The following SCFD2 variants were observed in gnomAD, a reference collection of about 807,000 sequenced individuals.
SCFD2 encodes sec1 family domain containing 2, also known as sec1 family domain-containing protein 2.
SCFD2 carries 54 observed loss-of-function variants against 58.9 expected under a neutral mutation model. That is an observed-to-expected ratio of 0.92 (90% CI 0.74 to 1.15). The LOEUF (loss-of-function observed/expected upper bound fraction) is 1.15. Ranked by LOEUF, SCFD2 falls within the 50% of genes most tolerant of loss-of-function variation. The pLI, the probability that SCFD2 is intolerant of heterozygous loss-of-function variation, is 0.00. For synonymous variants in SCFD2, 321 were observed against 335.9 expected (o/e 0.96, Z 0.49); for missense variants, 805 against 836.6 (o/e 0.96, Z 0.47).
chr4:52,931,315 T>C (rs1471901582), intron 5 of SCFD2, among the ~76,000 whole-genome samples: 1 of 152,202 alleles, frequency 6.6e-6, no homozygotes, highest in Non-Finnish European at 1.5e-5. Context: ...GATCTGGTTG[T>C]TTTCAAAAGC....
At chr4:53,218,916 T>A (rs556376350) in intron 4 of SCFD2, among the ~76,000 whole-genome samples, 2 of 152,326 alleles carry the variant, frequency 1.3e-5, no homozygotes, top group Admixed American at 6.5e-5. Flanking sequence ...CAGACCCTGT[T>A]TGCCTGGGTA....
chr4:53,150,694 A>T, intron 4 of SCFD2, among the ~76,000 whole-genome samples: 1 of 152,208 alleles, frequency 6.6e-6, no homozygotes, highest in East Asian at 1.9e-4. Context: ...ACCTTCTCCA[A>T]GTCTCAATTT....
chr4:53,089,686 A>G (rs2148865298), intron 5 of SCFD2, among the ~76,000 whole-genome samples: 1 of 152,302 alleles, frequency 6.6e-6, no homozygotes, highest in Admixed American at 6.5e-5. Context: ...ACAGGCTAGG[A>G]AAAAATTGCT....
intron 5 of SCFD2, among the ~76,000 whole-genome samples, chr4:52,989,965 C>CA (rs929737843): frequency 6.6e-6 from 1 of 152,224 alleles, no homozygotes; most frequent in Non-Finnish European, 1.5e-5. Flanking sequence ...TCCCATCCTT[C>CA]ATGCCTCCTT....
chr4:53,256,851 C>T (rs576075750), intron 4 of SCFD2, among the ~76,000 whole-genome samples: 25 of 135,278 alleles, frequency 1.8e-4, no homozygotes, highest in South Asian at 1.6e-3. Flanking sequence ...AGAGGGAGAC[C>T]GTGGAAAGAG....
At chr4:53,228,380 T>A (rs376524366) in intron 4 of SCFD2, among the ~76,000 whole-genome samples, 1 of 152,166 alleles carries the variant, frequency 6.6e-6, no homozygotes, top group Admixed American at 6.6e-5. Flanking sequence ...GCAGCTATAG[T>A]CATCCTTCTT....
At chr4:53,053,583 T>TG (rs1424797973) in intron 5 of SCFD2, among the ~76,000 whole-genome samples, 1 of 152,116 alleles carries the variant, frequency 6.6e-6, no homozygotes, top group Non-Finnish European at 1.5e-5. Context: ...GCTCAGCACT[T>TG]GCGCACTGTG....
intron 5 of SCFD2, among the ~76,000 whole-genome samples, chr4:53,036,184 T>C (rs1305737004): frequency 6.6e-6 from 1 of 151,962 alleles, no homozygotes; most frequent in Non-Finnish European, 1.5e-5. Context: ...ACATTAGGTA[T>C]TTCTCCTAAT....
chr4:53,067,856 T>C (rs771513992), intron 5 of SCFD2, among the ~76,000 whole-genome samples: 3 of 152,060 alleles, frequency 2.0e-5, no homozygotes, highest in Non-Finnish European at 4.4e-5. Context: ...TACAGGAATC[T>C]AGCAGGTGAA....
chr4:53,021,460 A>T (rs572408720), intron 5 of SCFD2, among the ~76,000 whole-genome samples: 1 of 152,290 alleles, frequency 6.6e-6, no homozygotes, highest in South Asian at 2.1e-4. Flanking sequence ...AAACTTGCAA[A>T]TCATTTCCTC....
intron 7 of SCFD2, among the ~76,000 whole-genome samples, chr4:52,896,374 A>G (rs548098906): frequency 1.3e-5 from 2 of 152,286 alleles, no homozygotes; most frequent in African/African-American, 4.8e-5. Flanking sequence ...TCAGCTTTCT[A>G]CATATGGCTA....
At chr4:53,257,997 A>G (rs917488950) in intron 4 of SCFD2, among the ~76,000 whole-genome samples, 1 of 152,208 alleles carries the variant, frequency 6.6e-6, no homozygotes, top group African/African-American at 2.4e-5. Flanking sequence ...AATAAGATTT[A>G]GGAAGTAGAA....
intron 3 of SCFD2, among the ~76,000 whole-genome samples, chr4:53,298,328 C>A (rs1013042582): frequency 6.6e-6 from 1 of 152,172 alleles, no homozygotes; most frequent in Non-Finnish European, 1.5e-5. Flanking sequence ...GGTCCTATAC[C>A]CATGGAGCCT....
At chr4:53,234,166 TG>T (rs1229857877) in intron 4 of SCFD2, among the ~76,000 whole-genome samples, 2 of 152,134 alleles carry the variant, frequency 1.3e-5, no homozygotes, top group Non-Finnish European at 2.9e-5. Context: ...AGAAATTGTA[TG>T]CACATCCAAA....
At chr4:53,143,195 G>A (rs1711859153) in intron 5 of SCFD2, among the ~76,000 whole-genome samples, 1 of 152,138 alleles carries the variant, frequency 6.6e-6, no homozygotes, top group South Asian at 2.1e-4. Context: ...TATTCTTACA[G>A]CATGATTTCA....
At chr4:52,925,371 T>TAC (rs200771703) in intron 5 of SCFD2, among the ~76,000 whole-genome samples, 8 of 137,884 alleles carry the variant, frequency 5.8e-5, no homozygotes, top group South Asian at 4.3e-4. Context: ...TATATATATA[T>TAC]ACATGATCAA....
intron 5 of SCFD2, among the ~76,000 whole-genome samples, chr4:52,982,236 C>T (rs912380838): frequency 2.0e-5 from 3 of 152,200 alleles, no homozygotes; most frequent in Non-Finnish European, 4.4e-5. Context: ...GTTATTTTCA[C>T]TGTAACTCTC....
At chr4:52,912,348 G>A (rs1168935192) in intron 6 of SCFD2, among the ~76,000 whole-genome samples, 1 of 151,958 alleles carries the variant, frequency 6.6e-6, no homozygotes, top group African/African-American at 2.4e-5. Flanking sequence ...AAAGGAGAGG[G>A]GCAAGAATCA....
chr4:53,339,372 A>G (rs1279651318), intron 2 of SCFD2, among the ~76,000 whole-genome samples: 1 of 150,548 alleles, frequency 6.6e-6, no homozygotes, highest in African/African-American at 2.4e-5. Context: ...CATATTATAT[A>G]TATGTAATAT....
Sources: allele counts gnomAD v4.1 joint callset (sites outside exome capture counted in the v4.1 genomes callset), GRCh38; gene constraint gnomAD v4.1.1; transcripts MANE v1.5; gene names NCBI Gene and HGNC (gene_info 2026-07-23, HGNC 2026-07-21).